TRPV2: variants seen among roughly 807,000 people sequenced by gnomAD.
TRPV2 encodes transient receptor potential cation channel subfamily V member 2.
In TRPV2, 58 loss-of-function variants were observed where a neutral mutation model predicts 91.0. That is an observed-to-expected ratio of 0.64 (90% CI 0.52 to 0.79). TRPV2 has a LOEUF of 0.79. TRPV2 is among the 30% of genes least tolerant of loss of function. TRPV2 has a pLI of 0.00. For missense variants in TRPV2, 807 were observed against 969.6 expected, an observed-to-expected ratio of 0.83 and a Z score of 2.23; for synonymous variants, 417 against 414.8, an observed-to-expected ratio of 1.01 and a Z score of -0.06.
chr17:16,417,489 C>T, intron 1 of TRPV2, 73 bp from the exon 2 acceptor site: 1 of 588,018 alleles, frequency 1.7e-6, no homozygotes, highest in Non-Finnish European at 3.0e-6. Flanking sequence ...CAGCCTCAGC[C>T]TCCCAAAGTG....
At position 16,436,854 on chromosome 17, in the gene TRPV2, A is replaced by T; in HGVS notation, c.2260A>T (p.Asn754Tyr). ...KEDEDGASEE[N>Y]YVPVQLLQSN is the part of the protein sequence containing the mutation. ...GGATGAGGATGGTGCCTCTGAGGAA[A>T]ACTATGTGCCCGTCCAGCTCCTCCA... Residue 754 changes from asparagine to tyrosine, a missense_variant, in exon 15 of 15, where the codon AAC (asparagine) becomes TAC (tyrosine). Asn to Tyr is a moderately radical substitution (Grantham distance 143). Transcript: ENST00000338560. 1 of 1,614,044 alleles carries T rather than the reference A, an allele frequency of 6.2e-7. No individual in the cohort carries two copies. The highest frequency in any genetic ancestry group is 1.1e-5 in the South Asian group (1 of 91,084).
chr17:16,417,979 T>A (rs2093339600), intron 2 of TRPV2, 111 bp downstream of exon 2: 1 of 1,088,452 alleles, frequency 9.2e-7, no homozygotes, highest in Non-Finnish European at 1.3e-6. Context: ...TCCCACAGCC[T>A]GTGGAGTCCT....
At chr17:16,431,257 ATAT>A (rs2093408569) in intron 10 of TRPV2, among the ~76,000 whole-genome samples, 1 of 15,906 alleles carries the variant, frequency 6.3e-5, no homozygotes, top group Non-Finnish European at 1.3e-4. Flanking sequence ...GATCTGAGAC[ATAT>A]ATATATATAT....
At chr17:16,436,648 G>A (rs776736455) in intron 14 of TRPV2, 141 bp from the exon 15 acceptor site, 2 of 668,242 alleles carry the variant, frequency 3.0e-6, no homozygotes, top group Non-Finnish European at 5.5e-6. Flanking sequence ...GAAGCAGGGA[G>A]AAGGATTGCT....
chr17:16,423,804 G>A (rs752126597), intron 5 of TRPV2, 37 bp downstream of exon 5: 60 of 1,518,334 alleles, frequency 4.0e-5, no homozygotes, highest in South Asian at 1.0e-4. Context: ...CCCTCTCCAG[G>A]AAGCAGTAGG....
chr17:16,433,444 C>T (rs2093422113), intron 12 of TRPV2, 130 bp from the exon 13 acceptor site: 7 of 1,338,036 alleles, frequency 5.2e-6, no homozygotes, highest in East Asian at 2.4e-5. Flanking sequence ...GATTCGAATC[C>T]GCGTGTTTAG....
At chr17:16,427,612 G>A in intron 8 of TRPV2, 65 bp downstream of exon 8, 1 of 1,475,772 alleles carries the variant, frequency 6.8e-7, no homozygotes, top group South Asian at 1.3e-5. Flanking sequence ...GGGGCTTAGA[G>A]AAAGTTAGCT....
At chr17:16,431,114 C>A (rs750911742) in intron 10 of TRPV2, among the ~76,000 whole-genome samples, 1 of 145,384 alleles carries the variant, frequency 6.9e-6, no homozygotes, top group African/African-American at 2.6e-5. Context: ...TGCGGTGACA[C>A]GATCATAGCT....
chr17:16,430,370 T>C (rs895563326), intron 10 of TRPV2, among the ~76,000 whole-genome samples: 1 of 152,168 alleles, frequency 6.6e-6, no homozygotes, highest in South Asian at 2.1e-4. Flanking sequence ...TTGATGACCA[T>C]AGCTACATCG....
chr17:16,431,251 T>C (rs2093408346), intron 10 of TRPV2, among the ~76,000 whole-genome samples: 1 of 100,888 alleles, frequency 9.9e-6, no homozygotes. Flanking sequence ...CAATGTGATC[T>C]GAGACATATA....
At position 16,435,652 on chromosome 17, in the gene TRPV2, A is replaced by G. The variant is rs1225834911; in HGVS notation, c.2194+683A>G. Among the ~76,000 whole-genome samples the G allele has an allele frequency of 6.6e-6, 1 of 151,330 alleles. No individual in the cohort carries two copies. The highest frequency in any genetic ancestry group is 1.5e-5 in the Non-Finnish European group (1 of 67,810). On this transcript the variant is annotated intron_variant, in intron 14 of 14. Transcript: ENST00000338560. This position sits in a 1 kb window ranked among gnomAD's most constrained non-coding sequence, Gnocchi z 4.2. ...CTTTCTAGAACCTTCAATAGCTCCC[A>G]CCTTCCACTGGTTCACCTCCTCTCC...
intron 2 of TRPV2, among the ~76,000 whole-genome samples, 200 bp downstream of exon 2, chr17:16,418,068 C>A (rs1272743024): frequency 6.6e-6 from 1 of 152,072 alleles, no homozygotes; most frequent in Admixed American, 6.5e-5. Context: ...CAGAGGCTTC[C>A]CCATTCTTGG....
chr17:16,423,451 T>C lies in TRPV2; in HGVS notation c.626-18T>C, dbSNP rs749595379. On this transcript the variant is annotated intron_variant, in intron 4 of 14. Coordinates refer to ENST00000338560, the MANE Select transcript of TRPV2 (RefSeq NM_016113.5). ...AAAGCAGGAGGCCTGGGGCCCAAGC[T>C]GCTCTCTTGGCCTGCAGGTGAGCTA... is the stretch of plus-strand genomic sequence containing the variant. 1.9e-6 allele frequency: 3 copies of C among 1,579,336 alleles called. No homozygotes were observed. The highest frequency in any genetic ancestry group is 1.3e-5 in the African/African-American group (1 of 74,438).
intron 12 of TRPV2, 132 bp downstream of exon 12, chr17:16,432,432 C>A: frequency 1.4e-6 from 1 of 713,156 alleles, no homozygotes; most frequent in Non-Finnish European, 2.2e-6. Context: ...TGTCAGTCTT[C>A]CTCTTCCTTT....
At chr17:16,431,295 T>A (rs1334338197) in intron 10 of TRPV2, among the ~76,000 whole-genome samples, 4,392 of 57,524 alleles carry the variant, frequency 0.076, 196 homozygotes, top group Non-Finnish European at 0.11. Flanking sequence ...ATACATATTT[T>A]TTTTTTTTTT....
In TRPV2 at chr17:16,417,583, A is replaced by G. The variant is rs1320358196; in HGVS notation, c.-86A>G. On this transcript the variant is annotated 5_prime_UTR_variant, in exon 2 of 15. Transcript: ENST00000338560. ...GCAGGCTCCAGTCAGGCCAACACCG[A>G]CGCGCAGCTGGGAGGAAGACAGGAC... 6.9e-7 allele frequency: 1 copy of G among 1,457,910 alleles called. No homozygotes were observed. The highest frequency in any genetic ancestry group is 9.5e-7 in the Non-Finnish European group (1 of 1,051,108). The allele number at this position is 1,457,910 out of a possible 1,614,324, so 90.3% of individuals were successfully genotyped here. A position where few individuals can be genotyped will look rare whatever the true frequency, so the allele number is the denominator to read the frequency against.
intron 3 of TRPV2, among the ~76,000 whole-genome samples, chr17:16,420,454 C>T (rs935041964): frequency 3.3e-5 from 5 of 152,316 alleles, no homozygotes; most frequent in Non-Finnish European, 5.9e-5. Context: ...CTTCCACCCA[C>T]CCCTCAGGCC....
In TRPV2 at chr17:16,431,766, T is replaced by G. The variant is rs747793637; in HGVS notation, c.1588-18T>G. The G allele has an allele frequency of 1.2e-6, 2 of 1,613,862 alleles. No individual in the cohort carries two copies. The highest frequency in any genetic ancestry group is 1.7e-6 in the Non-Finnish European group (2 of 1,179,898). ...TGGCCCAGCTACCCACCCTGGCCCC[T>G]GGGCACATGTGTTCCAGGTCATCCT... is the stretch of plus-strand genomic sequence containing the variant. On this transcript the variant is annotated intron_variant, in intron 10 of 14. Transcript: ENST00000338560.
At position 16,420,180 on chromosome 17, in the gene TRPV2, A is replaced by C; in HGVS notation, c.266A>C (p.Glu89Ala). ...LFNAVSRGVP[E>A]DLAGLPEYLS... ...AATGCGGTCTCCCGGGGTGTCCCCG[A>C]GGATCTGGCTGGACTTCCAGAGTAC... The change falls in exon 3 of 15, where the codon GAG becomes GCG. Residue 89 changes from glutamate (E) to alanine (A), a missense_variant. By Grantham distance (107) the Glu-to-Ala change is moderately radical. Coordinates refer to ENST00000338560, the MANE Select transcript of TRPV2 (RefSeq NM_016113.5). The C allele has an allele frequency of 6.2e-7, 1 of 1,614,156 alleles. No individual in the cohort carries two copies. The highest frequency in any genetic ancestry group is 1.1e-5 in the South Asian group (1 of 91,074).
Sources: allele counts gnomAD v4.1 joint callset (sites outside exome capture counted in the v4.1 genomes callset), GRCh38; gene constraint gnomAD v4.1.1; non-coding constraint Gnocchi (gnomAD v3.1); transcripts MANE v1.5; gene names NCBI Gene and HGNC (gene_info 2026-07-23, HGNC 2026-07-21).